The following CHCHD3 variants were observed in gnomAD, a reference collection of about 807,000 sequenced individuals.
CHCHD3 encodes coiled-coil-helix-coiled-coil-helix domain containing 3, also known as MICOS complex subunit MIC19.
In CHCHD3, 20 loss-of-function variants were observed where a neutral mutation model predicts 38.2. The observed-to-expected ratio is 0.52, with a 90% CI of 0.37 to 0.76. The LOEUF is 0.76. Ranked by LOEUF, CHCHD3 falls within the 30% of genes least tolerant of loss-of-function variation. The pLI is 0.00. For synonymous variants in CHCHD3, 82 were observed against 100.0 expected (o/e 0.82, Z 1.07); for missense variants, 245 against 279.2 (o/e 0.88, Z 0.87).
At chr7:133,053,940 C>A (rs1814239396) in intron 2 of CHCHD3, among the ~76,000 whole-genome samples, 1 of 152,104 alleles carries the variant, frequency 6.6e-6, no homozygotes, top group African/African-American at 2.4e-5. Flanking sequence ...CTAGTCCCCA[C>A]AATGTGGAAG....
Position 132,796,502 on chromosome 7 carries a change from C to A in CHCHD3, c.600G>T (p.Gln200His). The A allele has an allele frequency of 6.2e-7, 1 of 1,613,960 alleles. No individual in the cohort carries two copies. Among genetic ancestry groups the A allele is most frequent in the Non-Finnish European group, 8.5e-7 (1 of 1,179,896 alleles). Reference sequence around the variant, plus strand: ...TGGCCAGAGCGGAGCATTTGAGGGTCTGGTGGGTGTTCTCACGGTAACACT... The same window carrying A: ...TGGCCAGAGCGGAGCATTTGAGGGTATGGTGGGTGTTCTCACGGTAACACT... The part of the protein sequence containing the change: ...ILQCYRENTH[Q>H]TLKCSALATQ... Residue 200 changes from glutamine (Q) to histidine (H), a missense_variant, in exon 7 of 8, where the codon CAG becomes CAT. By Grantham distance (24) the Gln-to-His change is conservative (BLOSUM62 0). Transcript: ENST00000262570.
intron 6 of CHCHD3, among the ~76,000 whole-genome samples, chr7:132,820,630 T>A (rs1409294888): frequency 3.3e-5 from 5 of 150,766 alleles, no homozygotes; most frequent in Non-Finnish European, 7.4e-5. Context: ...TTTTTTTTTT[T>A]TTTTTTATTG....
At chr7:133,071,823 T>G (rs1814825697) in intron 1 of CHCHD3, among the ~76,000 whole-genome samples, 2 of 152,098 alleles carry the variant, frequency 1.3e-5, no homozygotes, top group Non-Finnish European at 2.9e-5. Context: ...TAAAAATCAT[T>G]AAGCTAAGTG....
intron 6 of CHCHD3, among the ~76,000 whole-genome samples, chr7:132,799,358 A>G (rs1056179363): frequency 6.6e-6 from 1 of 152,200 alleles, no homozygotes; most frequent in Non-Finnish European, 1.5e-5. Flanking sequence ...AGGTTTCAAA[A>G]CATTTCCAAT....
intron 5 of CHCHD3, among the ~76,000 whole-genome samples, chr7:132,865,863 T>C (rs1392986745): frequency 3.9e-5 from 6 of 152,144 alleles, no homozygotes; most frequent in African/African-American, 1.4e-4. Flanking sequence ...ATGTGCCTAA[T>C]CACAAGAAAC....
intron 4 of CHCHD3, among the ~76,000 whole-genome samples, chr7:132,928,414 G>A (rs1281160218): frequency 6.6e-6 from 1 of 152,048 alleles, no homozygotes; most frequent in African/African-American, 2.4e-5. Context: ...AGAATAAATG[G>A]GGCCAGGTGT....
chr7:133,025,372 C>T (rs1736228353), intron 2 of CHCHD3, among the ~76,000 whole-genome samples: 1 of 152,150 alleles, frequency 6.6e-6, no homozygotes, highest in South Asian at 2.1e-4. Flanking sequence ...TAAGAGGCTT[C>T]CACAAGAAAT....
intron 6 of CHCHD3, among the ~76,000 whole-genome samples, chr7:132,813,016 C>T (rs537097618): frequency 2.6e-5 from 4 of 151,232 alleles, no homozygotes; most frequent in African/African-American, 9.7e-5. Context: ...ATAGCATTGA[C>T]AGCACTTTTC....
chr7:132,900,495 A>C (rs1166488128), intron 4 of CHCHD3, among the ~76,000 whole-genome samples: 1 of 152,164 alleles, frequency 6.6e-6, no homozygotes, highest in Non-Finnish European at 1.5e-5. Context: ...TAGTGGTTGA[A>C]CTTATACAAG....
chr7:132,890,720 A>C (rs1250633103), intron 4 of CHCHD3, among the ~76,000 whole-genome samples: 1 of 152,178 alleles, frequency 6.6e-6, no homozygotes, highest in East Asian at 1.9e-4. Context: ...GAAGCCAGAG[A>C]TTACTAGGAT....
intron 3 of CHCHD3, among the ~76,000 whole-genome samples, chr7:133,024,095 AT>A (rs1273081731): frequency 6.6e-6 from 1 of 152,156 alleles, no homozygotes; most frequent in Non-Finnish European, 1.5e-5. Context: ...TAACATCCTA[AT>A]TTTTTTACGT....
chr7:132,950,678 TC>T (rs1489975911), intron 4 of CHCHD3, among the ~76,000 whole-genome samples: 2 of 152,324 alleles, frequency 1.3e-5, no homozygotes, highest in South Asian at 4.1e-4. Flanking sequence ...AGGTTTTTTT[TC>T]ATTAACTATT....
intron 2 of CHCHD3, among the ~76,000 whole-genome samples, chr7:133,062,969 C>A (rs763996827): frequency 7.9e-5 from 12 of 152,186 alleles, no homozygotes; most frequent in Non-Finnish European, 1.8e-4. Context: ...AGAAAACGAT[C>A]GGAAGATGTA....
chr7:133,065,138 T>G (rs1021699572), intron 2 of CHCHD3, among the ~76,000 whole-genome samples: 3 of 152,140 alleles, frequency 2.0e-5, no homozygotes, highest in Non-Finnish European at 4.4e-5. Flanking sequence ...ACCAATATAG[T>G]TGAGATAACG....
chr7:132,875,547 G>A (rs573377813), intron 5 of CHCHD3, among the ~76,000 whole-genome samples: 4 of 152,056 alleles, frequency 2.6e-5, no homozygotes, highest in Admixed American at 6.6e-5. Context: ...GCTCTTGAAG[G>A]GACAAAGGTA....
intron 5 of CHCHD3, among the ~76,000 whole-genome samples, chr7:132,874,009 C>T (rs1439444037): frequency 6.6e-6 from 1 of 152,146 alleles, no homozygotes; most frequent in African/African-American, 2.4e-5. Flanking sequence ...AGACGAGCTG[C>T]CCACTAAGCA....
intron 6 of CHCHD3, among the ~76,000 whole-genome samples, chr7:132,801,908 C>A (rs1380187418): frequency 2.3e-4 from 35 of 152,256 alleles, no homozygotes; most frequent in Admixed American, 2.2e-3. Context: ...GGAACGTGAC[C>A]TGGAGGGCAG....
chr7:133,033,592 G>T (rs1266421592), intron 2 of CHCHD3, among the ~76,000 whole-genome samples: 2 of 152,096 alleles, frequency 1.3e-5, no homozygotes, highest in East Asian at 1.9e-4. Context: ...GCTATTTTAT[G>T]GTTTGTATGA....
chr7:133,018,221 C>T (rs1813081918), intron 3 of CHCHD3, among the ~76,000 whole-genome samples: 1 of 152,152 alleles, frequency 6.6e-6, no homozygotes, highest in African/African-American at 2.4e-5. Flanking sequence ...TGCCAACAAA[C>T]CATCTACTAC....
Sources: allele counts gnomAD v4.1 joint callset (sites outside exome capture counted in the v4.1 genomes callset), GRCh38; gene constraint gnomAD v4.1.1; transcripts MANE v1.5; gene names NCBI Gene and HGNC (gene_info 2026-07-23, HGNC 2026-07-21).